TFDP2: variants seen among roughly 807,000 people sequenced by gnomAD.
TFDP2 encodes the protein transcription factor Dp-2.
Under a neutral mutation model 59.3 loss-of-function variants are expected in TFDP2, and 17 were observed. That is an observed-to-expected ratio of 0.29 (90% confidence interval 0.20 to 0.43). TFDP2 has a LOEUF of 0.43. TFDP2 is among the 20% of genes least tolerant of loss of function. The pLI is 1.00. For missense variants in TFDP2, 391 were observed against 528.8 expected (o/e 0.74, Z 2.56); for synonymous variants, 180 against 194.7 (o/e 0.92, Z 0.63).
rs571066457 is a variant in TFDP2, at chr3:142,021,396, A to G, written c.83-15852T>C. Among the ~76,000 whole-genome samples the G allele has an allele frequency of 2.0e-5, 3 of 152,338 alleles. No individual in the cohort carries two copies. In the East Asian group the frequency reaches 5.8e-4, roughly 29 times the overall value. ...TGTTTCTGCAGCTGCCAGAACATAG[A>G]GAACTTTCAGGATTCACCCAAATGG... On this transcript the variant is annotated intron_variant, in intron 3 of 12. Transcript: ENST00000489671.
chr3:142,013,844 G>GA (rs1471464753), intron 3 of TFDP2, among the ~76,000 whole-genome samples: 3 of 63,026 alleles, frequency 4.8e-5, no homozygotes, highest in African/African-American at 1.8e-4. Flanking sequence ...CAACTAAAAT[G>GA]AAAAAAAATA....
chr3:141,970,828 G>C (rs1014219783), intron 8 of TFDP2, among the ~76,000 whole-genome samples: 1 of 152,104 alleles, frequency 6.6e-6, no homozygotes, highest in Non-Finnish European at 1.5e-5. Context: ...TTGGGAGGCC[G>C]AGGGGGGAGA....
chr3:142,056,630 A>G (rs1450692414), intron 3 of TFDP2, among the ~76,000 whole-genome samples: 1 of 152,206 alleles, frequency 6.6e-6, no homozygotes, highest in African/African-American at 2.4e-5. Flanking sequence ...CTCAGAATAA[A>G]TGATACCTAA....
At chr3:142,112,268 A>G (rs984640521) in intron 1 of TFDP2, among the ~76,000 whole-genome samples, 5 of 152,324 alleles carry the variant, frequency 3.3e-5, no homozygotes, top group East Asian at 1.9e-4. Flanking sequence ...TCTTGACTAT[A>G]CCAAATAAGT....
chr3:142,077,587 C>T (rs1484102139), intron 3 of TFDP2, among the ~76,000 whole-genome samples: 1 of 152,124 alleles, frequency 6.6e-6, no homozygotes. Context: ...CAGAAGGGAA[C>T]CTACTGCCTT....
chr3:142,134,956 T>G (rs1391363098), intron 1 of TFDP2, among the ~76,000 whole-genome samples: 3 of 152,120 alleles, frequency 2.0e-5, no homozygotes, highest in Non-Finnish European at 2.9e-5. Flanking sequence ...CATATTCAAT[T>G]TACCAGACAT....
At chr3:142,015,671 C>G (rs185470579) in intron 3 of TFDP2, among the ~76,000 whole-genome samples, 1 of 152,314 alleles carries the variant, frequency 6.6e-6, no homozygotes, top group East Asian at 1.9e-4. Flanking sequence ...CTGCTGCCCA[C>G]CCTACCCCAC....
At chr3:142,030,952 C>T (rs975341729) in intron 3 of TFDP2, among the ~76,000 whole-genome samples, 2 of 151,384 alleles carry the variant, frequency 1.3e-5, no homozygotes, top group African/African-American at 4.9e-5. Flanking sequence ...CCGTTTTAGC[C>T]GGGATGGTCT....
At chr3:142,016,217 G>A (rs913654595) in intron 3 of TFDP2, among the ~76,000 whole-genome samples, 4 of 151,058 alleles carry the variant, frequency 2.6e-5, no homozygotes, top group Admixed American at 6.6e-5. Flanking sequence ...TGGCCAGGCT[G>A]GTCTCAAACT....
intron 1 of TFDP2, among the ~76,000 whole-genome samples, chr3:142,117,990 CG>C (rs1204834474): frequency 2.6e-5 from 4 of 152,032 alleles, no homozygotes; most frequent in Non-Finnish European, 5.9e-5. Context: ...CCCAGCTACT[CG>C]GGAGGCTGAG....
chr3:142,100,504 CTGGAATTACAG>C, intron 2 of TFDP2, among the ~76,000 whole-genome samples: 1 of 152,312 alleles, frequency 6.6e-6, no homozygotes, highest in East Asian at 1.9e-4. Context: ...TCCCGAGTAG[CTGGAATTACAG>C]GCGTCTGTCA....
At chr3:142,108,355 G>A (rs566130478) in intron 1 of TFDP2, among the ~76,000 whole-genome samples, 2 of 152,002 alleles carry the variant, frequency 1.3e-5, no homozygotes, top group East Asian at 3.9e-4. Flanking sequence ...GATTACAGGA[G>A]CCTGCCACCA....
chr3:142,017,534 T>C (rs1454245802), intron 3 of TFDP2, among the ~76,000 whole-genome samples: 1 of 147,624 alleles, frequency 6.8e-6, no homozygotes, highest in Admixed American at 6.9e-5. Context: ...TGCAAACACA[T>C]ATGCAAAAAT....
chr3:142,115,653 G>A (rs759432566), intron 1 of TFDP2, among the ~76,000 whole-genome samples: 1 of 152,200 alleles, frequency 6.6e-6, no homozygotes, highest in African/African-American at 2.4e-5. Context: ...CCTGCATGTA[G>A]AGAAATACAC....
At chr3:142,014,993 T>G (rs1189913795) in intron 3 of TFDP2, among the ~76,000 whole-genome samples, 1 of 152,190 alleles carries the variant, frequency 6.6e-6, no homozygotes, top group African/African-American at 2.4e-5. Flanking sequence ...ACTGAAATTC[T>G]TGGCCTTCAA....
chr3:142,054,774 T>A (rs2059681980), intron 3 of TFDP2, among the ~76,000 whole-genome samples: 1 of 152,180 alleles, frequency 6.6e-6, no homozygotes, highest in African/African-American at 2.4e-5. Context: ...CTGCAGTAAG[T>A]CATTTTACCT....
At chr3:142,112,217 C>T (rs2061689758) in intron 1 of TFDP2, among the ~76,000 whole-genome samples, 1 of 152,154 alleles carries the variant, frequency 6.6e-6, no homozygotes, top group Non-Finnish European at 1.5e-5. Flanking sequence ...TAATATTAGC[C>T]ATATCTTGTA....
intron 3 of TFDP2, among the ~76,000 whole-genome samples, chr3:142,068,003 TAAAAAA>T (rs750432367): frequency 8.6e-6 from 1 of 115,868 alleles, no homozygotes; most frequent in African/African-American, 3.2e-5. Context: ...GACTCTAGCT[TAAAAAA>T]AAAAAAAAAA....
At chr3:141,975,748 A>G (rs1045495115) in intron 7 of TFDP2, among the ~76,000 whole-genome samples, 2 of 152,026 alleles carry the variant, frequency 1.3e-5, no homozygotes, top group African/African-American at 4.8e-5. Flanking sequence ...TACTGTAACA[A>G]CAAGTACTGG....
Sources: gnomAD v4.1 joint callset for allele counts (sites outside exome capture counted in the v4.1 genomes callset) on GRCh38, gnomAD v4.1.1 for gene constraint, MANE v1.5 for transcripts, NCBI Gene and HGNC (gene_info 2026-07-23, HGNC 2026-07-21) for gene names.